CPS1: variants seen among roughly 807,000 people sequenced by gnomAD.
CPS1 encodes the protein carbamoyl-phosphate synthase [ammonia], mitochondrial.
A neutral mutation model predicts 174.6 loss-of-function variants in CPS1; 109 were observed. That is an observed-to-expected ratio of 0.62 (90% CI 0.53 to 0.73). CPS1 has a LOEUF of 0.73. CPS1 is among the 30% of genes least tolerant of loss of function. CPS1 has a pLI of 0.00. For missense variants in CPS1, 1,689 were observed against 1,821.9 expected (o/e 0.93, Z 1.33); for synonymous variants, 637 against 632.0 (o/e 1.01, Z -0.12).
At chr2:210,482,572 C>T (rs1182995953) in intron 1 of CPS1, among the ~76,000 whole-genome samples, 2 of 152,010 alleles carry the variant, frequency 1.3e-5, no homozygotes, top group Non-Finnish European at 2.9e-5. Context: ...ACTGGAATTA[C>T]AGATGTGAGC....
intron 29 of CPS1, among the ~76,000 whole-genome samples, chr2:210,654,855 T>C (rs1700658998): frequency 6.6e-6 from 1 of 152,196 alleles, no homozygotes; most frequent in African/African-American, 2.4e-5. Flanking sequence ...AGATTAGCAT[T>C]TCAGAGTAGA....
chr2:210,584,029 A>G (rs1698017310), intron 6 of CPS1, among the ~76,000 whole-genome samples: 1 of 152,130 alleles, frequency 6.6e-6, no homozygotes, highest in African/African-American at 2.4e-5. Flanking sequence ...TAGGTTGAGC[A>G]TAGTGATTAT....
At chr2:210,509,609 TG>T (rs1481314524) in intron 1 of CPS1, among the ~76,000 whole-genome samples, 12 of 152,150 alleles carry the variant, frequency 7.9e-5, no homozygotes. Flanking sequence ...TTGCAGATGA[TG>T]TGATAGTATA....
intron 1 of CPS1, among the ~76,000 whole-genome samples, chr2:210,507,924 T>C (rs1214993415): frequency 6.6e-6 from 1 of 151,406 alleles, no homozygotes; most frequent in Non-Finnish European, 1.5e-5. Flanking sequence ...CACACAATAA[T>C]AATGGGAGAC....
intron 1 of CPS1, among the ~76,000 whole-genome samples, chr2:210,486,103 TACAC>T (rs1280659493): frequency 2.9e-5 from 3 of 103,916 alleles, no homozygotes; most frequent in South Asian, 3.5e-4. Context: ...CATATATATA[TACAC>T]ACACACATAC....
intron 34 of CPS1, among the ~76,000 whole-genome samples, chr2:210,669,486 A>G (rs1368901824): frequency 6.6e-6 from 1 of 152,158 alleles, no homozygotes; most frequent in African/African-American, 2.4e-5. Flanking sequence ...GGTATTCTCA[A>G]GCCAGTGGGT....
chr2:210,571,450 T>C (rs1697480607), intron 1 of CPS1, among the ~76,000 whole-genome samples: 1 of 151,896 alleles, frequency 6.6e-6, no homozygotes, highest in Admixed American at 6.6e-5. Context: ...AATTCACATA[T>C]CGTACCTCTG....
At chr2:210,624,706 T>C (rs1377195460) in intron 21 of CPS1, among the ~76,000 whole-genome samples, 2 of 152,090 alleles carry the variant, frequency 1.3e-5, no homozygotes, top group African/African-American at 4.8e-5. Context: ...CATTTGTTAT[T>C]TAAATAGTGT....
intron 1 of CPS1, among the ~76,000 whole-genome samples, chr2:210,502,088 A>G (rs930056403): frequency 2.0e-5 from 3 of 152,008 alleles, no homozygotes; most frequent in Non-Finnish European, 4.4e-5. Context: ...TAGCCATCAG[A>G]TCTTGTGAGA....
At chr2:210,623,608 G>A (rs1022270392) in intron 21 of CPS1, among the ~76,000 whole-genome samples, 12 of 152,044 alleles carry the variant, frequency 7.9e-5, no homozygotes, top group African/African-American at 2.2e-4. Flanking sequence ...AATCATAGGC[G>A]TGCCTATTGC....
At chr2:210,559,627 C>T (rs544334799) in intron 1 of CPS1, among the ~76,000 whole-genome samples, 3 of 152,098 alleles carry the variant, frequency 2.0e-5, no homozygotes, top group Non-Finnish European at 2.9e-5. Flanking sequence ...TCCATTAGTA[C>T]TGAAAATGTT....
At chr2:210,541,433 A>G (rs370611529) in intron 1 of CPS1, among the ~76,000 whole-genome samples, 1 of 152,170 alleles carries the variant, frequency 6.6e-6, no homozygotes, top group Admixed American at 6.5e-5. Flanking sequence ...AGTTAAAGCA[A>G]TGGCCTCAGC....
chr2:210,486,456 T>A (rs1029418570), intron 1 of CPS1, among the ~76,000 whole-genome samples: 1 of 152,194 alleles, frequency 6.6e-6, no homozygotes, highest in African/African-American at 2.4e-5. Flanking sequence ...TATGTCCTTA[T>A]ATCATCTTAT....
intron 21 of CPS1, chr2:210,619,245 A>T (rs1224028434): frequency 1.3e-5 from 2 of 152,110 alleles, no homozygotes; most frequent in African/African-American, 4.8e-5. Flanking sequence ...CTATGGAGCC[A>T]GAGATTGGTG....
At chr2:210,577,291 T>A in intron 3 of CPS1, 130 bp from the exon 4 acceptor site, 1 of 738,176 alleles carries the variant, frequency 1.4e-6, no homozygotes, top group Non-Finnish European at 2.4e-6. Flanking sequence ...TTTTTTTGCC[T>A]CTTGTTTTTA....
chr2:210,583,973 C>T (rs1421232105), intron 6 of CPS1, among the ~76,000 whole-genome samples: 1 of 152,070 alleles, frequency 6.6e-6, no homozygotes, highest in Non-Finnish European at 1.5e-5. Context: ...TGAATGAGGT[C>T]AGGTAAAAGA....
At chr2:210,648,085 T>C (rs1479668063) in intron 26 of CPS1, 28 bp downstream of exon 26, 2 of 1,608,840 alleles carry the variant, frequency 1.2e-6, no homozygotes, top group South Asian at 2.2e-5. Context: ...TATCTGTTTC[T>C]AATGTTCTAT....
rs188793642 is a variant in CPS1 at position 210,649,105 on chromosome 2, C to A, written c.3404+565C>A. On this transcript the variant is annotated intron_variant, in intron 27 of 37. Transcript: ENST00000233072. ...TTCAGATGTTACCACATGTAAGGAA[C>A]AACTTCACCAAACAAGGGATAATAA... Among the ~76,000 whole-genome samples, 718 of 152,286 alleles carry A rather than the reference C, an allele frequency of 4.7e-3. 7 individuals are homozygous for A. Among genetic ancestry groups the A allele is most frequent in the African/African-American group, 0.016 (683 of 41,574 alleles).
At chr2:210,653,409 G>A (rs1311927136) in intron 28 of CPS1, among the ~76,000 whole-genome samples, 1 of 152,150 alleles carries the variant, frequency 6.6e-6, no homozygotes, top group Non-Finnish European at 1.5e-5. Flanking sequence ...AAACAGCCAA[G>A]AAAGGAAGGA....
Sources: allele counts gnomAD v4.1 joint callset (sites outside exome capture counted in the v4.1 genomes callset), GRCh38; gene constraint gnomAD v4.1.1; transcripts MANE v1.5; gene names NCBI Gene and HGNC (gene_info 2026-07-23, HGNC 2026-07-21).